LSAMP: variants seen among roughly 807,000 people sequenced by gnomAD.
LSAMP encodes the protein limbic system-associated membrane protein.
In LSAMP, 7 loss-of-function variants were observed where a neutral mutation model predicts 38.6. The observed-to-expected ratio is 0.18, with a 90% confidence interval of 0.10 to 0.34. LSAMP has a LOEUF of 0.34. Among genes scored for constraint, LSAMP ranks in the 10% least tolerant of loss-of-function variants. The pLI, the probability that LSAMP is intolerant of heterozygous loss-of-function variation, is 1.00. For synonymous variants in LSAMP, 154 were observed against 166.8 expected, an observed-to-expected ratio of 0.92 and a Z score of 0.59; for missense variants, 313 against 420.0, an observed-to-expected ratio of 0.75 and a Z score of 2.23.
chr3:116,369,104 T>G lies in LSAMP; in HGVS notation c.155+75773A>C, dbSNP rs114073322. ...ATTGTATTATGTTTATTGAAGGAAA[T>G]TCACAGCTTTTCCATAAAGAAGAAA... is the stretch of plus-strand genomic sequence containing the variant. On this transcript the variant is annotated intron_variant, in intron 1 of 6. Coordinates refer to ENST00000490035, the MANE Select transcript of LSAMP (RefSeq NM_002338.5). Among the ~76,000 whole-genome samples the G allele has an allele frequency of 4.2e-3, 645 of 151,814 alleles. 5 individuals carry two copies. Among genetic ancestry groups the G allele is most frequent in the African/African-American group, 0.015 (621 of 41,376 alleles).
At chr3:116,079,469 T>C (rs1456974880) in intron 2 of LSAMP, among the ~76,000 whole-genome samples, 4 of 152,062 alleles carry the variant, frequency 2.6e-5, no homozygotes, top group Admixed American at 6.6e-5. Context: ...CTGGCAAACA[T>C]AGTGAAACCC....
chr3:116,006,013 C>T (rs889629154), intron 3 of LSAMP, among the ~76,000 whole-genome samples: 1 of 152,080 alleles, frequency 6.6e-6, no homozygotes, highest in Non-Finnish European at 1.5e-5. Flanking sequence ...ATCTGTGACC[C>T]CAGAGCTCAA....
chr3:115,964,652 T>A (rs912633893), intron 3 of LSAMP, among the ~76,000 whole-genome samples: 4 of 152,082 alleles, frequency 2.6e-5, no homozygotes, highest in Non-Finnish European at 4.4e-5. Flanking sequence ...ACACAAAAAA[T>A]TCCATACATT....
chr3:116,026,192 G>A (rs934790739), intron 2 of LSAMP, among the ~76,000 whole-genome samples: 1 of 152,106 alleles, frequency 6.6e-6, no homozygotes, highest in Non-Finnish European at 1.5e-5. Flanking sequence ...CAATGGGGCA[G>A]GCTTAAGTAA....
chr3:115,841,951 G>A lies in LSAMP; in HGVS notation c.813C>T (p.Gly271=), dbSNP rs768145003. 2.5e-6 allele frequency: 4 copies of A among 1,613,686 alleles called. No homozygotes were observed. The South Asian group carries it at 4.4e-5, about 18-fold the overall frequency. The part of the protein sequence containing the change: ...ANGLEIKSTE[G]QSSLTVTNVT... ...CGTTGGTCACCGTCAGGGAAGACTGGCCCTCCGTGCTCTTAATCTCAAGGC... is the reference window on the plus strand; with the variant it reads ...CGTTGGTCACCGTCAGGGAAGACTGACCCTCCGTGCTCTTAATCTCAAGGC... The change falls in exon 6 of 7, where the codon GGC becomes GGT. Residue 271 remains glycine (G), a synonymous_variant. Coordinates refer to ENST00000490035, the MANE Select transcript of LSAMP (RefSeq NM_002338.5).
At chr3:116,267,823 G>A (rs1251369047) in intron 1 of LSAMP, among the ~76,000 whole-genome samples, 1 of 152,092 alleles carries the variant, frequency 6.6e-6, no homozygotes, top group Non-Finnish European at 1.5e-5. Context: ...ATTAATGGGT[G>A]AGCGATGAGC....
At chr3:116,004,095 C>T (rs6787687) in intron 3 of LSAMP, among the ~76,000 whole-genome samples, 70,745 of 151,898 alleles carry the variant, frequency 0.47, 17,883 homozygotes, top group African/African-American at 0.68. Flanking sequence ...GTTTAGTTTC[C>T]TACTGATGCA....
intron 1 of LSAMP, among the ~76,000 whole-genome samples, chr3:116,419,965 A>G (rs1374251877): frequency 3.3e-5 from 5 of 152,216 alleles, no homozygotes; most frequent in Non-Finnish European, 7.3e-5. Flanking sequence ...TATAACATCT[A>G]AGTGACACTG....
intron 1 of LSAMP, among the ~76,000 whole-genome samples, chr3:116,404,810 T>C (rs1332896771): frequency 6.6e-6 from 1 of 152,150 alleles, no homozygotes; most frequent in Non-Finnish European, 1.5e-5. Flanking sequence ...ATATGGCTCA[T>C]ATTTTTTCCT....
At chr3:116,416,774 G>A (rs1459107775) in intron 1 of LSAMP, among the ~76,000 whole-genome samples, 1 of 151,762 alleles carries the variant, frequency 6.6e-6, no homozygotes, top group Non-Finnish European at 1.5e-5. Context: ...TTAAAGGCAC[G>A]TGCAGCATAA....
intron 1 of LSAMP, among the ~76,000 whole-genome samples, chr3:116,261,113 G>A (rs1183681115): frequency 1.3e-5 from 2 of 152,146 alleles, no homozygotes; most frequent in Non-Finnish European, 2.9e-5. Context: ...CCTCCTTAGT[G>A]TTTACAACTT....
intron 1 of LSAMP, among the ~76,000 whole-genome samples, chr3:116,212,301 A>G (rs2046167928): frequency 6.6e-6 from 1 of 152,222 alleles, no homozygotes; most frequent in Admixed American, 6.5e-5. Flanking sequence ...AACAAATTTT[A>G]AAGATGCTAA....
rs143736002 is a variant in LSAMP at position 116,137,053 on chromosome 3, T to C, written c.156-50497A>G. 6.4e-4 allele frequency among the ~76,000 whole-genome samples: 98 copies of C among 152,252 alleles called. No homozygotes were observed. The East Asian group carries it at 0.019, about 29-fold the overall frequency. On this transcript the variant is annotated intron_variant, in intron 1 of 6. Transcript: ENST00000490035. ...CTTCTTTGTCTTTTCTGGCTTCCGATAGCAGCTGGCGATCCTTGGTGTTCC... is the reference window on the plus strand; with the variant it reads ...CTTCTTTGTCTTTTCTGGCTTCCGACAGCAGCTGGCGATCCTTGGTGTTCC...
intron 2 of LSAMP, among the ~76,000 whole-genome samples, chr3:116,034,273 G>A (rs951122346): frequency 8.6e-5 from 13 of 151,974 alleles, no homozygotes; most frequent in East Asian, 1.9e-4. Context: ...TGTTTTTATC[G>A]GTTCCAAACA....
rs2047766437 is a variant in LSAMP, at chr3:116,326,021, T to C, written c.155+118856A>G. ...GATCAAAAGCTGAATAATTGAGGAG[T>C]GGGGGATTTTATTCTACCCATATTT... On this transcript the variant is annotated intron_variant, in intron 1 of 6. Transcript: ENST00000490035. Among the ~76,000 whole-genome samples, 4 of 152,176 alleles carry C rather than the reference T, an allele frequency of 2.6e-5. No homozygotes were observed. In the South Asian group the frequency reaches 8.3e-4, roughly 32 times the overall value.
At chr3:115,990,186 A>T (rs1437261759) in intron 3 of LSAMP, among the ~76,000 whole-genome samples, 2 of 152,058 alleles carry the variant, frequency 1.3e-5, no homozygotes, top group Admixed American at 6.6e-5. Context: ...AGTCAGTGAG[A>T]TAGAAATCTC....
chr3:116,154,507 GC>G (rs1709694429), intron 1 of LSAMP, among the ~76,000 whole-genome samples: 1 of 152,056 alleles, frequency 6.6e-6, no homozygotes, highest in South Asian at 2.1e-4. Flanking sequence ...TTCACAGCTT[GC>G]CATTCGTTTT....
At chr3:115,944,189 TCTCAGTAGGAATGTCCTTGCTGATGCTG>T (rs1938021168) in intron 3 of LSAMP, among the ~76,000 whole-genome samples, 1 of 152,154 alleles carries the variant, frequency 6.6e-6, no homozygotes, top group Non-Finnish European at 1.5e-5. Flanking sequence ...GCTAAACTCT[TCTCAGTAGGAATGTCCTTGCTGATGCTG>T]CTGAGGAGAT....
Position 115,810,221 on chromosome 3 carries a change from ATCTCTCTCTCTCTC to A in LSAMP, c.*82_*95del. 3.1e-6 allele frequency: 2 copies of A among 648,422 alleles called. No individual in the cohort carries two copies. The highest frequency in any genetic ancestry group is 5.1e-6 in the Non-Finnish European group (2 of 393,770). 40.2% of individuals were successfully genotyped at this position (648,422 alleles called of 1,614,324 possible). On this transcript the variant is annotated 3_prime_UTR_variant, in exon 7 of 7. Coordinates refer to ENST00000490035, the MANE Select transcript of LSAMP (RefSeq NM_002338.5). The stretch of plus-strand genomic sequence containing the variant: ...AGTTGTGAAATAAACGGTCTCCCCC[ATCTCTCTCTCTCTC>A]TCTCTCTCTGTCTCTCTCTCTCTGT...
Sources: allele counts gnomAD v4.1 joint callset (sites outside exome capture counted in the v4.1 genomes callset), GRCh38; gene constraint gnomAD v4.1.1; transcripts MANE v1.5; gene names NCBI Gene and HGNC (gene_info 2026-07-23, HGNC 2026-07-21).